FGF13: variants seen among roughly 807,000 people sequenced by gnomAD.
FGF13 encodes the protein fibroblast growth factor 13.
In FGF13, 2 loss-of-function variants were observed where a neutral mutation model predicts 19.5. That is an observed-to-expected ratio of 0.10 (90% CI 0.04 to 0.32). The LOEUF is 0.32. FGF13 is among the 10% of genes least tolerant of loss of function. The pLI, the probability that FGF13 is intolerant of heterozygous loss-of-function variation, is 1.00. For missense variants in FGF13, 113 were observed against 192.7 expected, an observed-to-expected ratio of 0.59 and a Z score of 2.45; for synonymous variants, 72 against 76.9, an observed-to-expected ratio of 0.94 and a Z score of 0.33.
At chrX:138,705,178 TAATA>T (rs1226948666) in intron 2 of FGF13, among the ~76,000 whole-genome samples, 1 of 111,994 alleles carries the variant, frequency 8.9e-6, no homozygotes, top group Non-Finnish European at 1.9e-5. Flanking sequence ...TTAGTCATAG[TAATA>T]AATGACAGAG....
rs112647623 is a variant in FGF13, at chrX:139,040,720, T to C, written c.-113+162696A>G. On this transcript the variant is annotated intron_variant, in intron 1 of 2. Coordinates refer to the FGF13 transcript ENST00000421460. ...TACTAGGTATACACCTGGAGAAATA[T>C]AAATTATCCTATTATAAAGATGCAT... Among the ~76,000 whole-genome samples, 77 of 110,882 alleles carry C rather than the reference T, an allele frequency of 6.9e-4. 3 individuals carry two copies. Among genetic ancestry groups the C allele is most frequent in the African/African-American group, 2.1e-3 (64 of 30,346 alleles).
chrX:138,620,538 C>A lies in FGF13; in HGVS notation c.*12312G>T, dbSNP rs200413288. The A allele has an allele frequency of 3.6e-5, 4 of 109,924 alleles. No individual in the cohort carries two copies. The highest frequency in any genetic ancestry group is 1.3e-4 in the African/African-American group (4 of 30,278). 9.1% of individuals were successfully genotyped at this position (109,924 alleles called of 1,213,427 possible). A position where few individuals can be genotyped will look rare whatever the true frequency, so the allele number is the denominator to read the frequency against. On this transcript the variant is annotated 3_prime_UTR_variant, in exon 5 of 5. Coordinates refer to ENST00000315930, the MANE Select transcript of FGF13 (RefSeq NM_004114.5). Reference sequence around the variant, plus strand: ...ATAGTACTACAGGAAAATCATCAATCACAAAGAAAGACAGCAAGAGAGGAA... The same window carrying A: ...ATAGTACTACAGGAAAATCATCAATAACAAAGAAAGACAGCAAGAGAGGAA...
chrX:138,838,905 C>A (rs1022253758), intron 3 of FGF13, among the ~76,000 whole-genome samples: 2 of 111,463 alleles, frequency 1.8e-5, no homozygotes, highest in African/African-American at 6.5e-5. Flanking sequence ...TGGAATGAAT[C>A]TATTTTACAT....
At chrX:138,962,049 G>C (rs1455072897) in intron 1 of FGF13, among the ~76,000 whole-genome samples, 1 of 111,939 alleles carries the variant, frequency 8.9e-6, no homozygotes, top group Non-Finnish European at 1.9e-5. Context: ...CCATCAGAGT[G>C]AATAGGCAAC....
intron 1 of FGF13, among the ~76,000 whole-genome samples, chrX:139,047,392 G>GT (rs11310884): frequency 7.8e-4 from 82 of 105,500 alleles, no homozygotes; most frequent in African/African-American, 9.7e-4. Context: ...TTATTTTTTG[G>GT]TTTTTTTTTT....
At chrX:138,908,702 G>A (rs1014590768) in intron 1 of FGF13, among the ~76,000 whole-genome samples, 17 of 111,546 alleles carry the variant, frequency 1.5e-4, no homozygotes, top group Admixed American at 8.6e-4. Context: ...CATGTGCTGC[G>A]GGCGCTAATC....
intron 3 of FGF13, 148 bp from the exon 4 acceptor site, chrX:138,635,803 C>A: frequency 2.2e-6 from 1 of 452,530 alleles, no homozygotes; most frequent in Non-Finnish European, 3.8e-6. Flanking sequence ...AAACTATCAT[C>A]ATTGGAAACC....
chrX:139,144,216 C>G (rs995203483), intron 1 of FGF13, among the ~76,000 whole-genome samples: 2 of 111,780 alleles, frequency 1.8e-5, no homozygotes, highest in Non-Finnish European at 3.8e-5. Flanking sequence ...GAAGCCTGAA[C>G]CCCCTCCTGG....
intron 1 of FGF13, among the ~76,000 whole-genome samples, chrX:138,728,206 G>A (rs1037172523): frequency 5.4e-5 from 6 of 111,124 alleles, no homozygotes; most frequent in Non-Finnish European, 9.5e-5. Flanking sequence ...TTTTGGCTCC[G>A]TGGGTTATAA....
At chrX:138,893,224 C>A (rs1306833807) in intron 1 of FGF13, among the ~76,000 whole-genome samples, 2 of 111,424 alleles carry the variant, frequency 1.8e-5, no homozygotes, top group Non-Finnish European at 3.8e-5. Flanking sequence ...ATCTTCCCTT[C>A]ACCCTGTACC....
intron 3 of FGF13, among the ~76,000 whole-genome samples, chrX:138,638,863 G>A (rs2089214473): frequency 9.0e-6 from 1 of 111,423 alleles, no homozygotes; most frequent in Admixed American, 9.6e-5. Context: ...GAAAATCTTG[G>A]CAATTGTTAC....
At chrX:139,071,051 C>T (rs936528399) in intron 1 of FGF13, among the ~76,000 whole-genome samples, 5 of 110,744 alleles carry the variant, frequency 4.5e-5, no homozygotes, top group Non-Finnish European at 1.9e-5. Flanking sequence ...ATGAGTGCAG[C>T]AAACCACCAT....
intron 1 of FGF13, among the ~76,000 whole-genome samples, chrX:139,087,295 C>CA (rs200436266): frequency 0.15 from 14,530 of 94,456 alleles, 899 homozygotes; most frequent in African/African-American, 0.22. Flanking sequence ...AAAACTCCGT[C>CA]AAAAAAAAAA....
rs541493198 is a variant in FGF13, at chrX:138,951,070, C to T, written c.-112-86420G>A. Among the ~76,000 whole-genome samples the T allele has an allele frequency of 6.3e-5, 7 of 111,733 alleles. No homozygotes were observed. In the South Asian group the frequency reaches 2.6e-3, roughly 42 times the overall value. ...CTGTGACATAAGTTGGTGTTATTAT[C>T]TCCTTTACACAAATGAGAGAATTGA... is the stretch of plus-strand genomic sequence containing the variant. On this transcript the variant is annotated intron_variant, in intron 1 of 2. Transcript: ENST00000421460.
intron 1 of FGF13, among the ~76,000 whole-genome samples, chrX:139,108,448 G>A (rs1220627548): frequency 2.7e-5 from 3 of 111,159 alleles, no homozygotes; most frequent in African/African-American, 9.8e-5. Context: ...TCAGCTATAA[G>A]AAGATACCAA....
At chrX:138,699,740 A>T (rs1457926197) in intron 3 of FGF13, among the ~76,000 whole-genome samples, 1 of 112,101 alleles carries the variant, frequency 8.9e-6, no homozygotes, top group Non-Finnish European at 1.9e-5. Flanking sequence ...ATTATTTGAC[A>T]AGCTCTCTCC....
chrX:138,862,244 G>A (rs1480849745), intron 2 of FGF13, among the ~76,000 whole-genome samples: 1 of 111,789 alleles, frequency 8.9e-6, no homozygotes. Context: ...CTGGCTTCAA[G>A]CTGGAAGCAG....
intron 3 of FGF13, among the ~76,000 whole-genome samples, chrX:138,681,620 A>C (rs2089729729): frequency 8.9e-6 from 1 of 112,600 alleles, no homozygotes. Flanking sequence ...CAAGAGGCCT[A>C]GTTTTTGGCT....
intron 3 of FGF13, among the ~76,000 whole-genome samples, chrX:138,761,864 C>T (rs190900390): frequency 1.4e-4 from 16 of 110,949 alleles, no homozygotes; most frequent in African/African-American, 4.3e-4. Flanking sequence ...TTTACTGCGT[C>T]GTTTTCCACT....
Sources: allele counts gnomAD v4.1 joint callset (sites outside exome capture counted in the v4.1 genomes callset), GRCh38; gene constraint gnomAD v4.1.1; transcripts MANE v1.5; gene names NCBI Gene and HGNC (gene_info 2026-07-23, HGNC 2026-07-21).